NRXN1: variants seen among roughly 807,000 people sequenced by gnomAD.
NRXN1 encodes the protein neurexin 1.
In NRXN1, 39 loss-of-function variants were observed where a neutral mutation model predicts 150.9. The observed-to-expected ratio is 0.26, with a 90% CI of 0.20 to 0.34. The LOEUF (loss-of-function observed/expected upper bound fraction) is 0.34, where lower values mean the gene tolerates loss of function less well. Among genes scored for constraint, NRXN1 ranks in the 10% least tolerant of loss-of-function variants. NRXN1 has a pLI of 1.00. For missense variants in NRXN1, 1,815 were observed against 1,949.9 expected (o/e 0.93, Z 1.30); for synonymous variants, 924 against 757.0 (o/e 1.22, Z -3.62).
intron 6 of NRXN1, among the ~76,000 whole-genome samples, chr2:50,621,814 A>G (rs1680072789): frequency 6.6e-6 from 1 of 152,158 alleles, no homozygotes; most frequent in Non-Finnish European, 1.5e-5. Flanking sequence ...GTTTACTGCA[A>G]TGAAACAAAG....
chr2:50,532,781 T>G (rs571308062), intron 10 of NRXN1, among the ~76,000 whole-genome samples: 1 of 152,212 alleles, frequency 6.6e-6, no homozygotes, highest in South Asian at 2.1e-4. Context: ...AAACTGTTGA[T>G]GACAACCTGA....
chr2:50,640,744 C>G (rs1683960344), intron 5 of NRXN1, among the ~76,000 whole-genome samples: 1 of 152,180 alleles, frequency 6.6e-6, no homozygotes, highest in African/African-American at 2.4e-5. Context: ...TGCCCAGATA[C>G]AGAGAAATCC....
rs2092245825 is a variant in NRXN1 at position 50,506,758 on chromosome 2, G to A, written c.2375-141C>T. Reference sequence around the variant, plus strand: ...AGAAGAAAGGAAGAAAGAGAGAGAGGAGGGAGAGAAAGGAAACAGAGAAGA... The same window carrying A: ...AGAAGAAAGGAAGAAAGAGAGAGAGAAGGGAGAGAAAGGAAACAGAGAAGA... On this transcript the variant is annotated intron_variant, in intron 12 of 22. Transcript: ENST00000401669. 2.9e-5 allele frequency: 25 copies of A among 852,812 alleles called. 1 individual carries two copies. In the South Asian group the frequency reaches 5.2e-4, roughly 18 times the overall value. 52.8% of individuals were successfully genotyped at this position (852,812 alleles called of 1,614,324 possible).
At chr2:50,352,402 C>T (rs1373974000) in intron 17 of NRXN1, among the ~76,000 whole-genome samples, 1 of 152,040 alleles carries the variant, frequency 6.6e-6, no homozygotes, top group Non-Finnish European at 1.5e-5. Flanking sequence ...TAATTGGAAA[C>T]CCTTAAAGCT....
At chr2:50,490,369 G>A (rs572577229) in intron 15 of NRXN1, among the ~76,000 whole-genome samples, 3 of 152,218 alleles carry the variant, frequency 2.0e-5, no homozygotes, top group African/African-American at 7.2e-5. Context: ...GTTACAGACG[G>A]CCTTCCAACC....
rs114392505 is a variant in NRXN1 at position 50,688,431 on chromosome 2, T to C, written c.833-64816A>G. ...ATACCTTATTATTGCATACTCACTC[T>C]TTTTATGTCCTCTCTCAGTGCTTCT... On this transcript the variant is annotated intron_variant, in intron 5 of 22. Coordinates refer to ENST00000401669, the MANE Select transcript of NRXN1 (RefSeq NM_001330078.2). 3.5e-3 allele frequency among the ~76,000 whole-genome samples: 529 copies of C among 152,280 alleles called. 4 individuals carry two copies. The highest frequency in any genetic ancestry group is 0.012 in the African/African-American group (511 of 41,562).
chr2:50,143,738 ACTT>A (rs1394749334), intron 18 of NRXN1, among the ~76,000 whole-genome samples: 2 of 151,850 alleles, frequency 1.3e-5, no homozygotes, highest in East Asian at 1.9e-4. Context: ...CATGCCTCCC[ACTT>A]CTTCTAGATG....
chr2:50,632,865 A>G (rs554937417), intron 5 of NRXN1: 5 of 151,992 alleles, frequency 3.3e-5, no homozygotes. Context: ...AGATGTATCA[A>G]TATCTATTTA....
At chr2:50,658,439 T>TGTGTGTGTGTG (rs1553935244) in intron 5 of NRXN1, among the ~76,000 whole-genome samples, 5 of 151,610 alleles carry the variant, frequency 3.3e-5, no homozygotes, top group Non-Finnish European at 7.4e-5. Context: ...TGTGTGTGTG[T>TGTGTGTGTGTG]TTGAGGCAGG....
Position 50,479,554 on chromosome 2 carries a change from T to C in NRXN1, c.3071-7083A>G, listed in dbSNP as rs369336894. Among the ~76,000 whole-genome samples the C allele has an allele frequency of 2.9e-4, 44 of 152,306 alleles. No homozygotes were observed. The East Asian group carries it at 7.1e-3, about 25-fold the overall frequency. ...AATCCTAAACACGTTTATATTCTCA[T>C]TTTCACTTAGTAAGCATTTGATAAT... On this transcript the variant is annotated intron_variant, in intron 15 of 22. Transcript: ENST00000401669.
intron 17 of NRXN1, among the ~76,000 whole-genome samples, chr2:50,309,291 TAG>T (rs2074957089): frequency 6.6e-6 from 1 of 152,188 alleles, no homozygotes; most frequent in Non-Finnish European, 1.5e-5. Flanking sequence ...TTCAAAACTA[TAG>T]AGTTTTTACT....
At chr2:50,901,654 T>C (rs559060931) in intron 5 of NRXN1, among the ~76,000 whole-genome samples, 4 of 152,094 alleles carry the variant, frequency 2.6e-5, no homozygotes, top group African/African-American at 4.8e-5. Flanking sequence ...GGATCTCAAA[T>C]AAATCTTACA....
chr2:50,536,172 A>G (rs1643042410), intron 10 of NRXN1, among the ~76,000 whole-genome samples: 1 of 152,308 alleles, frequency 6.6e-6, no homozygotes, highest in Non-Finnish European at 1.5e-5. Context: ...CAACCATCAC[A>G]CATTTCCTTT....
At chr2:50,158,344 T>C (rs1217461851) in intron 18 of NRXN1, among the ~76,000 whole-genome samples, 2 of 151,510 alleles carry the variant, frequency 1.3e-5, no homozygotes, top group African/African-American at 4.8e-5. Flanking sequence ...TAAGGTAACA[T>C]ACCTTAGTTA....
intron 18 of NRXN1, among the ~76,000 whole-genome samples, chr2:50,121,841 T>C (rs901950746): frequency 1.3e-5 from 2 of 152,174 alleles, no homozygotes; most frequent in African/African-American, 2.4e-5. Flanking sequence ...CCATACAAAA[T>C]AGAACTTTCC....
At chr2:50,714,580 A>G (rs1006861798) in intron 5 of NRXN1, among the ~76,000 whole-genome samples, 3 of 152,180 alleles carry the variant, frequency 2.0e-5, no homozygotes, top group African/African-American at 7.2e-5. Flanking sequence ...TAATTGGTTC[A>G]TTTTATAGCA....
intron 21 of NRXN1, among the ~76,000 whole-genome samples, chr2:50,050,761 A>T (rs1692587570): frequency 7.0e-6 from 1 of 142,192 alleles, no homozygotes; most frequent in Admixed American, 7.3e-5. Context: ...TCACTCAAAT[A>T]TAAATAAATT....
At chr2:50,977,467 T>C (rs953337060) in intron 2 of NRXN1, among the ~76,000 whole-genome samples, 2 of 151,958 alleles carry the variant, frequency 1.3e-5, no homozygotes, top group Non-Finnish European at 2.9e-5. Flanking sequence ...CAACTACATA[T>C]ACCAAGACCA....
intron 17 of NRXN1, among the ~76,000 whole-genome samples, chr2:50,240,589 A>G (rs2065917594): frequency 6.6e-6 from 1 of 151,698 alleles, no homozygotes; most frequent in Non-Finnish European, 1.5e-5. Flanking sequence ...TTCTGAACCA[A>G]GGACATGATG....
Sources: allele counts gnomAD v4.1 joint callset (sites outside exome capture counted in the v4.1 genomes callset), GRCh38; gene constraint gnomAD v4.1.1; transcripts MANE v1.5; gene names NCBI Gene and HGNC (gene_info 2026-07-23, HGNC 2026-07-21).